CNTN4: variants seen among roughly 807,000 people sequenced by gnomAD.
CNTN4 encodes the protein contactin 4, also known as contactin-4.
In CNTN4, 77 loss-of-function variants were observed where a neutral mutation model predicts 122.5. The ratio of observed to expected loss-of-function variants is 0.63; its 90% CI spans 0.52 to 0.76. CNTN4 has a LOEUF of 0.76. CNTN4 is among the 30% of genes least tolerant of loss of function. The pLI, the probability that CNTN4 is intolerant of heterozygous loss-of-function variation, is 0.00. For synonymous variants in CNTN4, 512 were observed against 447.0 expected (o/e 1.15, Z -1.83); for missense variants, 1,256 against 1,259.1 (o/e 1.00, Z 0.04).
chr3:2,731,094 A>T (rs565916740), intron 4 of CNTN4, among the ~76,000 whole-genome samples: 2 of 152,024 alleles, frequency 1.3e-5, no homozygotes, highest in South Asian at 4.2e-4. Flanking sequence ...GGAAAATAAT[A>T]TTAAATAATA....
At chr3:2,703,800 A>T (rs561398719) in intron 4 of CNTN4, among the ~76,000 whole-genome samples, 1 of 152,186 alleles carries the variant, frequency 6.6e-6, no homozygotes, top group African/African-American at 2.4e-5. Context: ...GGGAAAAAAC[A>T]TAGCCCTATA....
intron 6 of CNTN4, among the ~76,000 whole-genome samples, chr3:2,781,847 C>T (rs555043165): frequency 7.5e-6 from 1 of 132,506 alleles, no homozygotes; most frequent in Non-Finnish European, 1.5e-5. Flanking sequence ...GCCTCAGCCT[C>T]CCGAGTAGCT....
In CNTN4 at chr3:2,549,705, A is replaced by T. The variant is rs1049944844; in HGVS notation, c.-88-21711A>T. ...CCAGGTTTTGGTATCAGGATGATGC[A>T]GGCCTCATAAAATGAGTTAGGGAGG... On this transcript the variant is annotated intron_variant, in intron 3 of 24. Coordinates refer to ENST00000418658, the MANE Select transcript of CNTN4 (RefSeq NM_175607.3). Among the ~76,000 whole-genome samples the T allele has an allele frequency of 7.2e-5, 11 of 152,242 alleles. No individual in the cohort carries two copies. In the East Asian group the frequency reaches 1.7e-3, roughly 24 times the overall value.
intron 2 of CNTN4, among the ~76,000 whole-genome samples, chr3:2,294,579 C>T (rs1034525977): frequency 3.3e-5 from 5 of 151,934 alleles, no homozygotes; most frequent in East Asian, 1.9e-4. Context: ...TGCAGTGAGC[C>T]GAGATCGTGC....
At chr3:2,760,038 AT>A (rs1394184023) in intron 6 of CNTN4, among the ~76,000 whole-genome samples, 8 of 152,122 alleles carry the variant, frequency 5.3e-5, no homozygotes, top group Non-Finnish European at 1.0e-4. Flanking sequence ...TTATCTTTTC[AT>A]TGTTGAATTA....
chr3:2,270,714 G>C (rs17029515), intron 2 of CNTN4, among the ~76,000 whole-genome samples: 82,059 of 141,350 alleles, frequency 0.58, 22,829 homozygotes, highest in South Asian at 0.72. Flanking sequence ...AAGACTGAAG[G>C]CTAGTGTGAC....
chr3:2,370,555 A>T (rs2045592799), intron 3 of CNTN4, among the ~76,000 whole-genome samples: 1 of 152,186 alleles, frequency 6.6e-6, no homozygotes, highest in African/African-American at 2.4e-5. Flanking sequence ...CATTGGAATG[A>T]CAGCTGCTGA....
intron 2 of CNTN4, among the ~76,000 whole-genome samples, chr3:2,244,576 A>C (rs994348797): frequency 6.6e-6 from 1 of 152,096 alleles, no homozygotes; most frequent in African/African-American, 2.4e-5. Context: ...GTTACATAAA[A>C]TATATTATTA....
At position 2,524,142 on chromosome 3, in the gene CNTN4, C is replaced by T. The variant is rs190202839; in HGVS notation, c.-88-47274C>T. Reference sequence around the variant, plus strand: ...AAATGAAACCCCACCTGTTCACAGTCGCTTCCCATTTCTCCTCAATCCCTC... The same window carrying T: ...AAATGAAACCCCACCTGTTCACAGTTGCTTCCCATTTCTCCTCAATCCCTC... On this transcript the variant is annotated intron_variant, in intron 3 of 24. Transcript: ENST00000418658. 1.2e-3 allele frequency among the ~76,000 whole-genome samples: 183 copies of T among 152,148 alleles called. 3 individuals are homozygous for T. The highest frequency in any genetic ancestry group is 5.0e-3 in the South Asian group (24 of 4,828).
At chr3:2,648,762 C>G (rs1274039377) in intron 4 of CNTN4, among the ~76,000 whole-genome samples, 2 of 152,182 alleles carry the variant, frequency 1.3e-5, no homozygotes, top group Non-Finnish European at 2.9e-5. Context: ...AGGAATTGAC[C>G]TTAATGAGGA....
chr3:2,382,925 A>G (rs13320325), intron 3 of CNTN4, among the ~76,000 whole-genome samples: 1,880 of 152,238 alleles, frequency 0.012, 38 homozygotes, highest in African/African-American at 0.043. Flanking sequence ...AAATACAAAA[A>G]TTAGCTGGGC....
chr3:2,995,451 A>G (rs1280673466), intron 14 of CNTN4, among the ~76,000 whole-genome samples: 2 of 152,188 alleles, frequency 1.3e-5, no homozygotes, highest in African/African-American at 4.8e-5. Context: ...GCATACCATG[A>G]CAGTCTGCCC....
In CNTN4 at chr3:2,419,858, A is replaced by G. The variant is rs75209393; in HGVS notation, c.-89+80625A>G. Reference sequence around the variant, plus strand: ...TCCTTCCCTATACATGCAAACATATACAAATATATCAGCTCACATACTTAT... The same window carrying G: ...TCCTTCCCTATACATGCAAACATATGCAAATATATCAGCTCACATACTTAT... On this transcript the variant is annotated intron_variant, in intron 3 of 24. Coordinates refer to ENST00000418658, the MANE Select transcript of CNTN4 (RefSeq NM_175607.3). Among the ~76,000 whole-genome samples, 577 of 152,282 alleles carry G rather than the reference A, an allele frequency of 3.8e-3. 4 individuals are homozygous for G. Among genetic ancestry groups the G allele is most frequent in the African/African-American group, 0.014 (562 of 41,558 alleles).
In CNTN4 at chr3:2,571,468, T is replaced by C. The variant is rs1421398181; in HGVS notation, c.-36T>C. 3 of 1,519,228 alleles carry C rather than the reference T, an allele frequency of 2.0e-6. No individual in the cohort carries two copies. The highest frequency in any genetic ancestry group is 1.7e-5 in the Admixed American group (1 of 59,900). 94.1% of individuals were successfully genotyped at this position (1,519,228 alleles called of 1,614,324 possible). On this transcript the variant is annotated 5_prime_UTR_variant, in exon 4 of 25. Transcript: ENST00000418658. ...AGCAGCAATTCTATTCGCTTGTTAT[T>C]GGACTTGAAACTCCCTTTGACCTCG... is the stretch of plus-strand genomic sequence containing the variant.
intron 11 of CNTN4, among the ~76,000 whole-genome samples, chr3:2,901,682 G>A (rs530239939): frequency 1.4e-4 from 22 of 152,342 alleles, no homozygotes; most frequent in African/African-American, 3.8e-4. Flanking sequence ...CAATCACTGA[G>A]AGAGTGAGTA....
intron 4 of CNTN4, among the ~76,000 whole-genome samples, chr3:2,612,711 CTT>C (rs1332832237): frequency 1.3e-5 from 2 of 152,114 alleles, no homozygotes; most frequent in African/African-American, 4.8e-5. Context: ...ATTTCTTACT[CTT>C]TAAAGAAACC....
At chr3:2,762,129 G>A (rs749179857) in intron 6 of CNTN4, among the ~76,000 whole-genome samples, 1 of 152,178 alleles carries the variant, frequency 6.6e-6, no homozygotes, top group Non-Finnish European at 1.5e-5. Flanking sequence ...GAAGATTGAA[G>A]GTCTTGAAGG....
At chr3:2,907,069 C>G (rs2094243205) in intron 12 of CNTN4, among the ~76,000 whole-genome samples, 1 of 152,098 alleles carries the variant, frequency 6.6e-6, no homozygotes, top group Non-Finnish European at 1.5e-5. Context: ...GAGAAGACAT[C>G]TGCCTATTTA....
chr3:2,622,669 G>T (rs2082035516), intron 4 of CNTN4, among the ~76,000 whole-genome samples: 2 of 152,200 alleles, frequency 1.3e-5, no homozygotes, highest in South Asian at 4.1e-4. Flanking sequence ...TTCATTGAAT[G>T]TTTTAATGTT....
Sources: gnomAD v4.1 joint callset for allele counts (sites outside exome capture counted in the v4.1 genomes callset) on GRCh38, gnomAD v4.1.1 for gene constraint, MANE v1.5 for transcripts, NCBI Gene and HGNC (gene_info 2026-07-23, HGNC 2026-07-21) for gene names.